Variants in CAPN5 observed in about 807,000 individuals in gnomAD.
The protein encoded by CAPN5 is calpain 5.
CAPN5 carries 54 observed loss-of-function variants against 73.0 expected under a neutral mutation model. The observed-to-expected ratio is 0.74, with a 90% confidence interval of 0.59 to 0.93. CAPN5 has a LOEUF of 0.93. CAPN5 is among the 40% of genes least tolerant of loss of function. The pLI is 0.00. For synonymous variants in CAPN5, 335 were observed against 356.9 expected (o/e 0.94, Z 0.69); for missense variants, 785 against 882.9 (o/e 0.89, Z 1.41).
At position 77,122,646 on chromosome 11, in the gene CAPN5, C is replaced by T. The variant is rs782224226; in HGVS notation, c.1674C>T (p.Ser558=). The change falls in exon 12 of 13, where the codon TCC becomes TCT. Residue 558 remains serine (S), a synonymous_variant. Transcript: ENST00000648180. ...KVRSAVQKGT[S]TPEYNVKGIF... is the part of the protein sequence containing the mutation. ...GCTCGGCTGTGCAGAAGGGCACCTC[C>T]ACACCAGAGTACAATGTGAAAGGCA... is the stretch of plus-strand genomic sequence containing the variant. 5.6e-6 allele frequency: 9 copies of T among 1,613,858 alleles called. No homozygotes were observed. Among genetic ancestry groups the T allele is most frequent in the Non-Finnish European group, 8.5e-7 (1 of 1,179,958 alleles).
chr11:77,067,632 C>CGTGTGTGTGTGTGTGTGTGTGTGT (rs71043542), intron 1 of CAPN5, among the ~76,000 whole-genome samples: 51 of 126,736 alleles, frequency 4.0e-4, no homozygotes, highest in East Asian at 1.9e-3. Context: ...GGCGGGCGCA[C>CGTGTGTGTGTGTGTGTGTGTGTGT]GTGTGTGTGT....
chr11:77,095,001 G>A (rs1225965846), intron 3 of CAPN5, among the ~76,000 whole-genome samples: 2 of 152,180 alleles, frequency 1.3e-5, no homozygotes, highest in African/African-American at 4.8e-5. Context: ...GCAGAACGGG[G>A]ATGTGACCTC....
At position 77,093,827 on chromosome 11, in the gene CAPN5, C is replaced by A; in HGVS notation, c.297+14C>A. On this transcript the variant is annotated intron_variant, in intron 3 of 12. Coordinates refer to ENST00000648180, the MANE Select transcript of CAPN5 (RefSeq NM_004055.5). ...CTGTGGCAAAAGGTGAGGCCTCGGGCAGAGTGGGCAGGGTGCTGGGGAGTG... is the reference window on the plus strand; with the variant it reads ...CTGTGGCAAAAGGTGAGGCCTCGGGAAGAGTGGGCAGGGTGCTGGGGAGTG... 1 of 1,607,230 alleles carries A rather than the reference C, an allele frequency of 6.2e-7. No homozygotes were observed.
chr11:77,067,223 C>CT, intron 1 of CAPN5, 129 bp downstream of exon 1: 1 of 150,408 alleles, frequency 6.6e-6, no homozygotes, highest in Middle Eastern at 3.5e-3. Flanking sequence ...GGGGCTGCAC[C>CT]TCCCGCGGGC....
intron 1 of CAPN5, among the ~76,000 whole-genome samples, chr11:77,073,395 A>T (rs929056598): frequency 2.0e-5 from 3 of 151,918 alleles, no homozygotes; most frequent in Non-Finnish European, 4.4e-5. Context: ...GCTGCTTACA[A>T]CAGCGGCTCC....
chr11:77,076,966 A>G (rs1470334146), intron 1 of CAPN5, among the ~76,000 whole-genome samples: 2 of 152,220 alleles, frequency 1.3e-5, no homozygotes, highest in Non-Finnish European at 2.9e-5. Flanking sequence ...TGGCTGTACT[A>G]ATTTACATTC....
chr11:77,085,159 G>A, intron 2 of CAPN5, 108 bp downstream of exon 2: 2 of 950,416 alleles, frequency 2.1e-6, no homozygotes, highest in South Asian at 2.9e-5. Flanking sequence ...CTGGCCCCAG[G>A]CTGCTGAGAA....
intron 2 of CAPN5, among the ~76,000 whole-genome samples, chr11:77,090,826 A>C (rs1168340657): frequency 5.3e-5 from 8 of 152,086 alleles, no homozygotes; most frequent in African/African-American, 1.9e-4. Flanking sequence ...TCTGGGTCAG[A>C]GGATGGGCTG....
intron 3 of CAPN5, among the ~76,000 whole-genome samples, chr11:77,109,072 C>T (rs1290905963): frequency 1.3e-5 from 2 of 152,186 alleles, no homozygotes; most frequent in African/African-American, 4.8e-5. Context: ...GAAGCTCATA[C>T]GGTTTAGGAA....
chr11:77,069,360 G>A (rs1949878550), intron 1 of CAPN5, among the ~76,000 whole-genome samples: 1 of 152,136 alleles, frequency 6.6e-6, no homozygotes, highest in Admixed American at 6.5e-5. Context: ...TTCCCTCCCT[G>A]GGGATGAGGG....
chr11:77,118,906 C>A, intron 8 of CAPN5, 124 bp from the exon 9 acceptor site: 1 of 1,070,858 alleles, frequency 9.3e-7, no homozygotes, highest in Non-Finnish European at 1.4e-6. Flanking sequence ...AGCAGAGGGA[C>A]CAAGGCGCAG....
intron 11 of CAPN5, 72 bp downstream of exon 11, chr11:77,122,121 T>TAC (rs1950525702): frequency 1.1e-6 from 1 of 875,024 alleles, no homozygotes; most frequent in Admixed American, 2.8e-5. Flanking sequence ...CCAGCACGGA[T>TAC]ACCAGCCTCA....
At chr11:77,084,533 G>T (rs1420880207) in intron 1 of CAPN5, among the ~76,000 whole-genome samples, 2 of 152,174 alleles carry the variant, frequency 1.3e-5, no homozygotes, top group South Asian at 4.1e-4. Flanking sequence ...GTCTGATTCC[G>T]TCTGAGGAGG....
intron 1 of CAPN5, 58 bp from the exon 2 acceptor site, chr11:77,084,794 G>T: frequency 6.7e-7 from 1 of 1,486,226 alleles, no homozygotes; most frequent in Admixed American, 1.7e-5. Context: ...CCGCTTCACA[G>T]GGCACATCAG....
Position 77,066,999 on chromosome 11 carries a change from C to G in CAPN5, c.-131C>G, listed in dbSNP as rs1169788419. 2 of 152,060 alleles carry G rather than the reference C, an allele frequency of 1.3e-5. No homozygotes were observed. Among genetic ancestry groups the G allele is most frequent in the African/African-American group, 4.8e-5 (2 of 41,442 alleles). 9.4% of individuals were successfully genotyped at this position (152,060 alleles called of 1,614,324 possible). A position where few individuals can be genotyped will look rare whatever the true frequency, so the allele number is the denominator to read the frequency against. On this transcript the variant is annotated 5_prime_UTR_variant, in exon 1 of 13. Transcript: ENST00000648180. Reference sequence around the variant, plus strand: ...CCCAGCTGGATCTCCGGCCAGAGCCCGAGGCTGCTGCGCCGGGCGGCTGCA... The same window carrying G: ...CCCAGCTGGATCTCCGGCCAGAGCCGGAGGCTGCTGCGCCGGGCGGCTGCA...
At chr11:77,082,990 G>A (rs1161789325) in intron 1 of CAPN5, among the ~76,000 whole-genome samples, 3 of 152,170 alleles carry the variant, frequency 2.0e-5, no homozygotes, top group Non-Finnish European at 4.4e-5. Flanking sequence ...GCTGCTCCTC[G>A]GTGACTCTGC....
rs1270624231 is a variant in CAPN5 at position 77,124,063 on chromosome 11, G to A, written c.*193G>A. 27 of 593,042 alleles carry A rather than the reference G, an allele frequency of 4.6e-5. No homozygotes were observed. The highest frequency in any genetic ancestry group is 9.0e-4 in the Middle Eastern group (2 of 2,230). The allele number at this position is 593,042 out of a possible 1,614,324, so 36.7% of individuals were successfully genotyped here. On this transcript the variant is annotated 3_prime_UTR_variant, in exon 13 of 13. Transcript: ENST00000648180. The stretch of plus-strand genomic sequence containing the variant: ...GAGGGCCCCGAAGCATTCCATTCTC[G>A]TGGAGGAGTTTCCTTGCTGAGATTT...
intron 1 of CAPN5, among the ~76,000 whole-genome samples, chr11:77,080,521 T>A (rs1950017422): frequency 6.6e-6 from 1 of 152,162 alleles, no homozygotes; most frequent in Non-Finnish European, 1.5e-5. Flanking sequence ...GGTGTTCCCA[T>A]CTACAAAATG....
chr11:77,092,079 G>A (rs1404759236), intron 2 of CAPN5, among the ~76,000 whole-genome samples: 1 of 152,288 alleles, frequency 6.6e-6, no homozygotes, highest in African/African-American at 2.4e-5. Context: ...AGTTAGCTGA[G>A]TGTGGTGTGT....
Sources: allele counts gnomAD v4.1 joint callset (sites outside exome capture counted in the v4.1 genomes callset), GRCh38; gene constraint gnomAD v4.1.1; transcripts MANE v1.5; gene names NCBI Gene and HGNC (gene_info 2026-07-23, HGNC 2026-07-21).